The following TNRC6A variants were observed in gnomAD, a reference collection of about 807,000 sequenced individuals.
TNRC6A encodes the protein trinucleotide repeat containing adaptor 6A.
TNRC6A carries 44 observed loss-of-function variants against 221.2 expected under a neutral mutation model. The observed-to-expected ratio is 0.20, with a 90% CI of 0.16 to 0.26. The LOEUF (loss-of-function observed/expected upper bound fraction) is 0.26. Among genes scored for constraint, TNRC6A ranks in the 10% least tolerant of loss-of-function variants. TNRC6A has a pLI of 1.00. For synonymous variants in TNRC6A, 847 were observed against 838.5 expected, an observed-to-expected ratio of 1.01 and a Z score of -0.18; for missense variants, 2,199 against 2,404.4, an observed-to-expected ratio of 0.91 and a Z score of 1.79.
At chr16:24,774,871 A>G (rs938797350) in intron 4 of TNRC6A, among the ~76,000 whole-genome samples, 7 of 152,212 alleles carry the variant, frequency 4.6e-5, no homozygotes, top group Admixed American at 3.9e-4. Flanking sequence ...ACATTCTTCT[A>G]TATGCTTTGA....
In TNRC6A at chr16:24,751,180, C is replaced by CT. The variant is rs200245991; in HGVS notation, c.141+370dup. ...CCACATAGCACATAGAATGGTGTGACTTTAGATTTTATTTAGCCTCTCTGG... is the reference window on the plus strand; with the variant it reads ...CCACATAGCACATAGAATGGTGTGACTTTTAGATTTTATTTAGCCTCTCTGG... On this transcript the variant is annotated intron_variant, in intron 3 of 24. Transcript: ENST00000395799. 8.2e-3 allele frequency among the ~76,000 whole-genome samples: 1,253 copies of CT among 152,198 alleles called. 10 individuals carry two copies. The highest frequency in any genetic ancestry group is 0.041 in the Middle Eastern group (12 of 294).
intron 17 of TNRC6A, among the ~76,000 whole-genome samples, chr16:24,808,337 A>G (rs752524824): frequency 4.6e-5 from 7 of 152,204 alleles, no homozygotes; most frequent in Non-Finnish European, 8.8e-5. Flanking sequence ...ATACCAATAC[A>G]GTTATCTAAG....
At chr16:24,643,459 C>G (rs1902104269) in intron 2 of TNRC6A, among the ~76,000 whole-genome samples, 1 of 152,046 alleles carries the variant, frequency 6.6e-6, no homozygotes, top group East Asian at 1.9e-4. Flanking sequence ...TGGTTTCTTT[C>G]AGCTGTGACC....
At chr16:24,732,864 A>G (rs988493373) in intron 2 of TNRC6A, among the ~76,000 whole-genome samples, 1 of 152,162 alleles carries the variant, frequency 6.6e-6, no homozygotes, top group African/African-American at 2.4e-5. Flanking sequence ...CCACTGCTCT[A>G]GATCTTCATT....
intron 3 of TNRC6A, 22 bp from the exon 4 acceptor site, chr16:24,758,317 T>C (rs2151486940): frequency 1.3e-6 from 2 of 1,599,534 alleles, no homozygotes; most frequent in Non-Finnish European, 1.7e-6. Flanking sequence ...CATTGTTTTT[T>C]GTTTGTTTGT....
At chr16:24,770,258 A>G (rs961934753) in intron 4 of TNRC6A, among the ~76,000 whole-genome samples, 3 of 152,326 alleles carry the variant, frequency 2.0e-5, no homozygotes, top group Admixed American at 6.5e-5. Flanking sequence ...ATAGCAGGAT[A>G]TGAATCTGGA....
At chr16:24,810,753 G>A (rs966387042) in intron 18 of TNRC6A, among the ~76,000 whole-genome samples, 5 of 152,166 alleles carry the variant, frequency 3.3e-5, no homozygotes, top group Non-Finnish European at 5.9e-5. Context: ...GAAAACTTGT[G>A]CCAAGAATGA....
At chr16:24,637,917 T>C (rs904508880) in intron 1 of TNRC6A, among the ~76,000 whole-genome samples, 3 of 152,126 alleles carry the variant, frequency 2.0e-5, no homozygotes, top group African/African-American at 7.2e-5. Flanking sequence ...CTCAAGTATC[T>C]GGGACTACCA....
At chr16:24,797,997 T>G (rs1463122525) in intron 11 of TNRC6A, 31 bp downstream of exon 11, 1 of 1,579,164 alleles carries the variant, frequency 6.3e-7, no homozygotes, top group Non-Finnish European at 8.7e-7. Flanking sequence ...TTTATATTCC[T>G]CATTGAGGGA....
chr16:24,628,776 A>G (rs1296350067), intron 1 of TNRC6A, among the ~76,000 whole-genome samples: 2 of 152,146 alleles, frequency 1.3e-5, no homozygotes, highest in Admixed American at 6.6e-5. Flanking sequence ...GTCAAAAGTT[A>G]CATGCAGATT....
At chr16:24,661,873 G>A (rs932901084) in intron 2 of TNRC6A, 13 of 152,164 alleles carry the variant, frequency 8.5e-5, no homozygotes, top group African/African-American at 3.1e-4. Context: ...TACTGGTAGA[G>A]TTTTTAACTG....
chr16:24,623,901 C>CAAAA (rs67546745), intron 1 of TNRC6A, among the ~76,000 whole-genome samples: 20 of 55,188 alleles, frequency 3.6e-4, no homozygotes, highest in Admixed American at 6.6e-4. Context: ...GACCCTGTCT[C>CAAAA]AAAAAAAAAA....
At chr16:24,765,648 T>C (rs1234883516) in intron 4 of TNRC6A, among the ~76,000 whole-genome samples, 1 of 152,180 alleles carries the variant, frequency 6.6e-6, no homozygotes, top group Non-Finnish European at 1.5e-5. Flanking sequence ...AATTTACTAA[T>C]GGCAGGTATT....
intron 4 of TNRC6A, among the ~76,000 whole-genome samples, chr16:24,771,573 T>TGTG (rs57709471): frequency 1.5e-4 from 15 of 99,374 alleles, no homozygotes; most frequent in African/African-American, 2.4e-4. Flanking sequence ...TATGTTATGT[T>TGTG]ATGTTATGTT....
intron 2 of TNRC6A, chr16:24,662,623 G>A (rs539225158): frequency 6.5e-6 from 1 of 153,048 alleles, no homozygotes; most frequent in African/African-American, 2.4e-5. Context: ...AGGGGAAATG[G>A]TTGAGAAAAT....
chr16:24,819,216 A>G (rs1318432245), intron 21 of TNRC6A, among the ~76,000 whole-genome samples: 1 of 152,218 alleles, frequency 6.6e-6, no homozygotes, highest in Non-Finnish European at 1.5e-5. Flanking sequence ...TACCCTGAGT[A>G]GCACTGACCT....
intron 2 of TNRC6A, among the ~76,000 whole-genome samples, chr16:24,691,824 C>T (rs2055761768): frequency 6.6e-6 from 1 of 151,922 alleles, no homozygotes; most frequent in African/African-American, 2.4e-5. Flanking sequence ...GAAAGAAGGA[C>T]AGACATCTGG....
intron 9 of TNRC6A, 46 bp downstream of exon 9, chr16:24,795,985 A>G (rs1000485204): frequency 1.4e-5 from 23 of 1,604,944 alleles, no homozygotes; most frequent in Middle Eastern, 1.6e-4. Context: ...ACTAGTAAAA[A>G]TCTTTAGAAA....
chr16:24,794,202 A>G (rs958552521), intron 7 of TNRC6A, among the ~76,000 whole-genome samples: 1 of 152,202 alleles, frequency 6.6e-6, no homozygotes, highest in Non-Finnish European at 1.5e-5. Flanking sequence ...ATAAAAATTA[A>G]TTCTTTCAAA....
Sources: gnomAD v4.1 joint callset for allele counts (sites outside exome capture counted in the v4.1 genomes callset) on GRCh38, gnomAD v4.1.1 for gene constraint, MANE v1.5 for transcripts, NCBI Gene and HGNC (gene_info 2026-07-23, HGNC 2026-07-21) for gene names.